ADAMTS3: variants seen among roughly 807,000 people sequenced by gnomAD.
ADAMTS3 encodes the protein ADAM metallopeptidase with thrombospondin type 1 motif 3.
Under a neutral mutation model 129.0 loss-of-function variants are expected in ADAMTS3, and 73 were observed. The ratio of observed to expected loss-of-function variants is 0.57; its 90% CI spans 0.47 to 0.69. ADAMTS3 has a LOEUF of 0.69. Among genes scored for constraint, ADAMTS3 ranks in the 30% least tolerant of loss-of-function variants. The pLI, the probability that ADAMTS3 is intolerant of heterozygous loss-of-function variation, is 0.00. For synonymous variants in ADAMTS3, 477 were observed against 510.8 expected, an observed-to-expected ratio of 0.93 and a Z score of 0.89; for missense variants, 1,457 against 1,514.5, an observed-to-expected ratio of 0.96 and a Z score of 0.63.
chr4:72,568,247 G>A (rs1560571126), intron 1 of ADAMTS3, among the ~76,000 whole-genome samples: 1 of 152,078 alleles, frequency 6.6e-6, no homozygotes, highest in Non-Finnish European at 1.5e-5. Context: ...CGAAAAAACC[G>A]TGAGTCAGTT....
At chr4:72,447,116 A>C (rs1351432306) in intron 3 of ADAMTS3, among the ~76,000 whole-genome samples, 1 of 151,766 alleles carries the variant, frequency 6.6e-6, no homozygotes, top group Non-Finnish European at 1.5e-5. Context: ...ATCAATAGGC[A>C]ACTGTTCTTA....
chr4:72,486,086 A>T (rs1719584509), intron 3 of ADAMTS3, among the ~76,000 whole-genome samples: 1 of 152,240 alleles, frequency 6.6e-6, no homozygotes. Context: ...GATGATACCT[A>T]GTACGTGCCT....
chr4:72,467,801 G>T (rs1474451416), intron 3 of ADAMTS3, among the ~76,000 whole-genome samples: 1 of 151,982 alleles, frequency 6.6e-6, no homozygotes, highest in Non-Finnish European at 1.5e-5. Flanking sequence ...GTAATCTTTT[G>T]CTAACTTGTA....
At chr4:72,530,136 A>ATAT (rs1553921147) in intron 3 of ADAMTS3, among the ~76,000 whole-genome samples, 1 of 25,166 alleles carries the variant, frequency 4.0e-5, no homozygotes, top group Non-Finnish European at 6.1e-5. Context: ...ATAATATAAT[A>ATAT]TATATTATAT....
chr4:72,443,464 C>T (rs940004550), intron 3 of ADAMTS3, among the ~76,000 whole-genome samples: 3 of 151,648 alleles, frequency 2.0e-5, no homozygotes, highest in African/African-American at 7.3e-5. Context: ...TAGACAATTA[C>T]CTGATTGAGA....
At chr4:72,373,261 A>T (rs1219357667) in intron 4 of ADAMTS3, among the ~76,000 whole-genome samples, 2 of 152,166 alleles carry the variant, frequency 1.3e-5, no homozygotes, top group East Asian at 1.9e-4. Flanking sequence ...AAAAAAGCCA[A>T]CAGAAGAGAC....
chr4:72,510,819 CAAAAAAAA>C (rs869030257), intron 3 of ADAMTS3, among the ~76,000 whole-genome samples: 9 of 63,670 alleles, frequency 1.4e-4, no homozygotes, highest in East Asian at 5.1e-4. Flanking sequence ...ATCCTTAAGC[CAAAAAAAA>C]AAAAAAAAAA....
chr4:72,563,950 G>A (rs964812264), intron 2 of ADAMTS3, among the ~76,000 whole-genome samples: 9 of 152,060 alleles, frequency 5.9e-5, no homozygotes, highest in African/African-American at 1.7e-4. Flanking sequence ...TCAATAACTA[G>A]GTAAGTGACT....
intron 3 of ADAMTS3, among the ~76,000 whole-genome samples, chr4:72,426,198 A>T (rs1278547060): frequency 6.6e-6 from 1 of 151,958 alleles, no homozygotes; most frequent in Non-Finnish European, 1.5e-5. Context: ...TTTTTCTTAT[A>T]AATTTGTTTG....
chr4:72,323,123 AAAAG>A, intron 5 of ADAMTS3, 26 bp from the exon 6 acceptor site: 1 of 1,561,222 alleles, frequency 6.4e-7, no homozygotes, highest in Admixed American at 1.7e-5. Context: ...GATAATTGCT[AAAAG>A]AAAGGAAACA....
rs370629697 is a variant in ADAMTS3 at position 72,568,497 on chromosome 4, C to T, written c.69+197G>A. On this transcript the variant is annotated intron_variant, in intron 1 of 21. Coordinates refer to ENST00000286657, the MANE Select transcript of ADAMTS3 (RefSeq NM_014243.3). ...TGGGCTCCCGGAGTGGGAGTCGTAACCTCCCGTGCAACTCAACCCTCTACC... is the reference window on the plus strand; with the variant it reads ...TGGGCTCCCGGAGTGGGAGTCGTAATCTCCCGTGCAACTCAACCCTCTACC... Among the ~76,000 whole-genome samples the T allele has an allele frequency of 1.2e-3, 188 of 152,230 alleles. 3 individuals are homozygous for T. In the South Asian group the frequency reaches 0.014, roughly 11 times the overall value.
intron 4 of ADAMTS3, among the ~76,000 whole-genome samples, chr4:72,391,892 A>AATC (rs1721605021): frequency 6.6e-6 from 1 of 152,214 alleles, no homozygotes; most frequent in East Asian, 1.9e-4. Flanking sequence ...GATAACCTAC[A>AATC]ATCTGATTTT....
intron 3 of ADAMTS3, among the ~76,000 whole-genome samples, chr4:72,542,185 G>A (rs1432458423): frequency 1.3e-5 from 2 of 152,014 alleles, no homozygotes; most frequent in Non-Finnish European, 2.9e-5. Context: ...TTTGTTTTGA[G>A]ACGGAGTCTT....
intron 3 of ADAMTS3, among the ~76,000 whole-genome samples, chr4:72,473,765 A>G (rs968752736): frequency 5.9e-5 from 9 of 152,016 alleles, no homozygotes; most frequent in African/African-American, 2.2e-4. Flanking sequence ...GACCATATGA[A>G]AAACCAAGAC....
chr4:72,383,965 CAATT>C (rs1243755319), intron 4 of ADAMTS3, among the ~76,000 whole-genome samples: 1 of 151,532 alleles, frequency 6.6e-6, no homozygotes, highest in Non-Finnish European at 1.5e-5. Flanking sequence ...GCTCAACAGA[CAATT>C]AAAAATAACT....
At chr4:72,540,238 G>A (rs898722722) in intron 3 of ADAMTS3, among the ~76,000 whole-genome samples, 4 of 152,148 alleles carry the variant, frequency 2.6e-5, no homozygotes, top group African/African-American at 9.7e-5. Context: ...CTCTTGTTAT[G>A]TTTCAGCAAA....
intron 3 of ADAMTS3, among the ~76,000 whole-genome samples, chr4:72,480,660 C>T (rs918588524): frequency 6.7e-6 from 1 of 150,316 alleles, no homozygotes; most frequent in Non-Finnish European, 1.5e-5. Context: ...CTAACCTGCA[C>T]ATTGTGCACA....
chr4:72,560,230 A>AC (rs1215182207), intron 2 of ADAMTS3, among the ~76,000 whole-genome samples: 1 of 151,372 alleles, frequency 6.6e-6, no homozygotes, highest in Admixed American at 6.6e-5. Context: ...ATAAAAAAAA[A>AC]AAACCTATAA....
In ADAMTS3 at chr4:72,312,287, T is replaced by C. The variant is rs903185549; in HGVS notation, c.1921+4A>G. ...AGCAGGAAGGAGAGCACGAGGCTAC[T>C]CACGGTCAGGATGTTCATATGGCAA... On this transcript the variant is annotated splice_donor_region_variant and intron_variant, in intron 13 of 21. Coordinates refer to ENST00000286657, the MANE Select transcript of ADAMTS3 (RefSeq NM_014243.3). The C allele has an allele frequency of 6.2e-7, 1 of 1,613,440 alleles. No homozygotes were observed.
Sources: allele counts gnomAD v4.1 joint callset (sites outside exome capture counted in the v4.1 genomes callset), GRCh38; gene constraint gnomAD v4.1.1; transcripts MANE v1.5; gene names NCBI Gene and HGNC (gene_info 2026-07-23, HGNC 2026-07-21).